CDH12: variants seen among roughly 807,000 people sequenced by gnomAD.
The protein encoded by CDH12 is cadherin 12.
In CDH12, 41 loss-of-function variants were observed where a neutral mutation model predicts 74.1. That is an observed-to-expected ratio of 0.55 (90% CI 0.43 to 0.72). The LOEUF is 0.72. Ranked by LOEUF, CDH12 falls within the 30% of genes least tolerant of loss-of-function variation. CDH12 has a pLI of 0.00. For synonymous variants in CDH12, 399 were observed against 355.0 expected (o/e 1.12, Z -1.39); for missense variants, 945 against 977.2 (o/e 0.97, Z 0.44).
intron 1 of CDH12, among the ~76,000 whole-genome samples, chr5:22,656,167 G>A (rs1740022707): frequency 6.6e-6 from 1 of 151,984 alleles, no homozygotes. Flanking sequence ...GTGATAAGGT[G>A]GTTATATTTC....
chr5:22,604,006 G>A (rs373067618), intron 1 of CDH12, among the ~76,000 whole-genome samples: 2 of 152,178 alleles, frequency 1.3e-5, no homozygotes, highest in East Asian at 1.9e-4. Context: ...CGACAGCCAA[G>A]GGAATCTAGT....
chr5:21,791,155 T>C (rs984613079), intron 10 of CDH12, among the ~76,000 whole-genome samples: 5 of 152,078 alleles, frequency 3.3e-5, no homozygotes, highest in Non-Finnish European at 5.9e-5. Flanking sequence ...GGCCTAATAC[T>C]AGCTCCTGGC....
At chr5:22,703,158 C>T (rs1742808594) in intron 1 of CDH12, among the ~76,000 whole-genome samples, 1 of 152,068 alleles carries the variant, frequency 6.6e-6, no homozygotes. Context: ...ACTTTATTTT[C>T]CCTCAGTTGT....
intron 5 of CDH12, among the ~76,000 whole-genome samples, chr5:21,982,726 T>C (rs1407872245): frequency 1.3e-5 from 2 of 152,050 alleles, no homozygotes; most frequent in East Asian, 3.9e-4. Context: ...CTAAGTTTTG[T>C]CTATCAGTTG....
chr5:22,214,974 T>C (rs1224914884), intron 3 of CDH12, among the ~76,000 whole-genome samples: 1 of 152,128 alleles, frequency 6.6e-6, no homozygotes, highest in Non-Finnish European at 1.5e-5. Flanking sequence ...CAAAGCAAAA[T>C]AAGACCATTT....
chr5:22,629,753 C>G (rs1328464533), intron 1 of CDH12, among the ~76,000 whole-genome samples: 1 of 151,956 alleles, frequency 6.6e-6, no homozygotes, highest in East Asian at 1.9e-4. Context: ...ACTGGAAATC[C>G]TAGTCAGAGT....
intron 1 of CDH12, among the ~76,000 whole-genome samples, chr5:22,709,870 A>G (rs934252483): frequency 1.2e-4 from 19 of 152,206 alleles, no homozygotes; most frequent in African/African-American, 4.6e-4. Flanking sequence ...CCTTCTAGAC[A>G]GCCACACTGG....
intron 3 of CDH12, among the ~76,000 whole-genome samples, chr5:22,360,450 ACAAAAATGT>A (rs1013646980): frequency 2.8e-4 from 42 of 152,084 alleles, no homozygotes; most frequent in Non-Finnish European, 5.4e-4. Context: ...TAACTTACCA[ACAAAAATGT>A]CCAGGAACAG....
At chr5:21,896,992 C>A (rs1753154836) in intron 6 of CDH12, among the ~76,000 whole-genome samples, 2 of 151,052 alleles carry the variant, frequency 1.3e-5, no homozygotes, top group African/African-American at 2.4e-5. Flanking sequence ...ACAAGCCAAC[C>A]AAAAAAAATT....
intron 1 of CDH12, among the ~76,000 whole-genome samples, chr5:22,573,488 C>T (rs1396133534): frequency 8.6e-5 from 13 of 152,046 alleles, no homozygotes; most frequent in Non-Finnish European, 1.8e-4. Context: ...TAAAAGCACA[C>T]ACACAAAAAA....
intron 2 of CDH12, among the ~76,000 whole-genome samples, chr5:22,475,909 G>A (rs566848274): frequency 6.6e-6 from 1 of 151,926 alleles, no homozygotes; most frequent in African/African-American, 2.4e-5. Context: ...ATTTTCTAGA[G>A]ATTATTTTTT....
At chr5:22,433,962 T>C (rs1209595483) in intron 2 of CDH12, among the ~76,000 whole-genome samples, 2 of 152,194 alleles carry the variant, frequency 1.3e-5, no homozygotes, top group Non-Finnish European at 2.9e-5. Flanking sequence ...ATTTCCCCTA[T>C]GCTTCTATAC....
intron 5 of CDH12, among the ~76,000 whole-genome samples, chr5:21,994,638 G>T (rs1736161266): frequency 6.6e-6 from 1 of 152,162 alleles, no homozygotes; most frequent in African/African-American, 2.4e-5. Context: ...TTTTGCTACT[G>T]CTTCATCATT....
At chr5:22,304,594 A>C (rs2150422409) in intron 3 of CDH12, among the ~76,000 whole-genome samples, 1 of 152,334 alleles carries the variant, frequency 6.6e-6, no homozygotes, top group Non-Finnish European at 1.5e-5. Flanking sequence ...GAAGGTAAAG[A>C]AACAAACTTT....
intron 5 of CDH12, among the ~76,000 whole-genome samples, chr5:22,043,582 T>C (rs1169019645): frequency 1.3e-5 from 2 of 151,880 alleles, no homozygotes; most frequent in African/African-American, 2.4e-5. Context: ...GGACTGGAAG[T>C]CCTAGCCAGA....
chr5:22,766,480 T>C (rs1412946914), intron 1 of CDH12, among the ~76,000 whole-genome samples: 3 of 152,108 alleles, frequency 2.0e-5, no homozygotes, highest in Non-Finnish European at 4.4e-5. Context: ...CAATGTCAGA[T>C]GGCAGAAAGA....
At chr5:21,881,667 T>C (rs989764323) in intron 6 of CDH12, among the ~76,000 whole-genome samples, 4 of 152,202 alleles carry the variant, frequency 2.6e-5, no homozygotes, top group African/African-American at 9.7e-5. Flanking sequence ...AAACAAATAG[T>C]CTATTTGGTT....
chr5:21,888,041 C>G (rs901891230), intron 6 of CDH12, among the ~76,000 whole-genome samples: 2 of 151,778 alleles, frequency 1.3e-5, no homozygotes, highest in Admixed American at 6.6e-5. Context: ...ACAACAACAA[C>G]AACAAAACAG....
At chr5:22,387,248 C>T (rs1287674691) in intron 3 of CDH12, among the ~76,000 whole-genome samples, 1 of 150,036 alleles carries the variant, frequency 6.7e-6, no homozygotes, top group East Asian at 2.0e-4. Flanking sequence ...TTGTAATGTA[C>T]ATTTAAAAAC....
Sources: allele counts gnomAD v4.1 joint callset (sites outside exome capture counted in the v4.1 genomes callset), GRCh38; gene constraint gnomAD v4.1.1; transcripts MANE v1.5; gene names NCBI Gene and HGNC (gene_info 2026-07-23, HGNC 2026-07-21).